The following TCF7L1 variants were observed in gnomAD, a reference collection of about 807,000 sequenced individuals.
The protein encoded by TCF7L1 is transcription factor 7 like 1.
Under a neutral mutation model 63.7 loss-of-function variants are expected in TCF7L1, and 18 were observed. The observed-to-expected ratio is 0.28, with a 90% confidence interval of 0.20 to 0.42. TCF7L1 has a LOEUF of 0.42. Among genes scored for constraint, TCF7L1 ranks in the 10% least tolerant of loss-of-function variants. The pLI is 1.00. For synonymous variants in TCF7L1, 355 were observed against 340.9 expected (o/e 1.04, Z -0.46); for missense variants, 654 against 779.3 (o/e 0.84, Z 1.91).
intron 3 of TCF7L1, among the ~76,000 whole-genome samples, chr2:85,248,540 T>G (rs928104950): frequency 6.6e-6 from 1 of 152,140 alleles, no homozygotes; most frequent in Non-Finnish European, 1.5e-5. Flanking sequence ...CCGTCCCACT[T>G]ATACACACTT....
At chr2:85,257,161 C>T (rs1455147631) in intron 3 of TCF7L1, among the ~76,000 whole-genome samples, 1 of 152,018 alleles carries the variant, frequency 6.6e-6, no homozygotes, top group African/African-American at 2.4e-5. Context: ...CTACAGTGAG[C>T]TCTGATTGAG....
intron 3 of TCF7L1, among the ~76,000 whole-genome samples, chr2:85,186,029 C>T (rs1195254894): frequency 1.5e-5 from 2 of 137,802 alleles, no homozygotes; most frequent in African/African-American, 5.7e-5. Context: ...TGCAGTGGTG[C>T]AATCTCGGCT....
intron 3 of TCF7L1, among the ~76,000 whole-genome samples, chr2:85,150,725 C>G (rs530244660): frequency 6.6e-6 from 1 of 151,172 alleles, no homozygotes; most frequent in African/African-American, 2.4e-5. Context: ...ATTTTGTTTT[C>G]TTGGTTAAAA....
At chr2:85,216,554 C>T in intron 3 of TCF7L1, among the ~76,000 whole-genome samples, 1 of 152,150 alleles carries the variant, frequency 6.6e-6, no homozygotes, top group East Asian at 1.9e-4. Context: ...AGCAAACATA[C>T]CAGCCCACAA....
At chr2:85,301,014 A>G (rs1681959204) in intron 4 of TCF7L1, among the ~76,000 whole-genome samples, 1 of 152,168 alleles carries the variant, frequency 6.6e-6, no homozygotes, top group African/African-American at 2.4e-5. Flanking sequence ...TCCTGACTTC[A>G]GGTGTTCTGC....
intron 3 of TCF7L1, among the ~76,000 whole-genome samples, chr2:85,202,003 C>T (rs1448741891): frequency 1.3e-5 from 2 of 151,930 alleles, no homozygotes; most frequent in African/African-American, 2.4e-5. Flanking sequence ...CTCACTGTCA[C>T]CCAGGCTGAA....
chr2:85,222,708 A>G (rs927809905), intron 3 of TCF7L1, among the ~76,000 whole-genome samples: 1 of 152,090 alleles, frequency 6.6e-6, no homozygotes, highest in Non-Finnish European at 1.5e-5. Context: ...GCTTTAAAAA[A>G]GAATAAAAGA....
chr2:85,243,735 T>G (rs1294228766), intron 3 of TCF7L1, among the ~76,000 whole-genome samples: 1 of 152,142 alleles, frequency 6.6e-6, no homozygotes, highest in Middle Eastern at 3.4e-3. Context: ...GAAACTTCGT[T>G]CAGGAGATAT....
At chr2:85,232,316 A>G (rs1403366966) in intron 3 of TCF7L1, among the ~76,000 whole-genome samples, 1 of 152,044 alleles carries the variant, frequency 6.6e-6, no homozygotes, top group Non-Finnish European at 1.5e-5. Context: ...ATCTGTATAC[A>G]TCCTCCATTA....
intron 3 of TCF7L1, among the ~76,000 whole-genome samples, chr2:85,140,843 A>G (rs1236596636): frequency 5.3e-5 from 8 of 152,162 alleles, no homozygotes. Flanking sequence ...CCTGGGCAAC[A>G]AGAGTGAAAC....
At chr2:85,263,450 GAC>G (rs1222350055) in intron 3 of TCF7L1, among the ~76,000 whole-genome samples, 2 of 152,076 alleles carry the variant, frequency 1.3e-5, no homozygotes, top group Admixed American at 6.6e-5. Context: ...CAATTGGAGA[GAC>G]AGTCCAAGTT....
chr2:85,230,964 G>A (rs545548191), intron 3 of TCF7L1, among the ~76,000 whole-genome samples: 2 of 152,296 alleles, frequency 1.3e-5, no homozygotes, highest in African/African-American at 4.8e-5. Context: ...AGTTTGGACA[G>A]ATCCCTGTGT....
intron 3 of TCF7L1, among the ~76,000 whole-genome samples, chr2:85,283,262 G>T (rs907779544): frequency 1.3e-5 from 1 of 79,356 alleles, no homozygotes; most frequent in South Asian, 3.5e-4. Context: ...GTTGTCATTC[G>T]TGTCCCCCCC....
At chr2:85,300,994 A>G (rs1319117606) in intron 4 of TCF7L1, among the ~76,000 whole-genome samples, 2 of 152,086 alleles carry the variant, frequency 1.3e-5, no homozygotes, top group African/African-American at 4.8e-5. Flanking sequence ...CGGCCAGGCT[A>G]GTCTCGAACT....
At chr2:85,277,363 G>C (rs1022011933) in intron 3 of TCF7L1, among the ~76,000 whole-genome samples, 1 of 152,172 alleles carries the variant, frequency 6.6e-6, no homozygotes, top group Admixed American at 6.5e-5. Context: ...GACAAGGAGA[G>C]CATTTTGAAT....
Position 85,285,115 on chromosome 2 carries a change from C to T in TCF7L1, c.525+1537C>T, listed in dbSNP as rs572291973. ...AGGCGTGGTGGCGGGCGCCTGTAGT[C>T]CCAGCTACTAGGGAGGCTGAGGCAG... is the stretch of plus-strand genomic sequence containing the variant. On this transcript the variant is annotated intron_variant, in intron 4 of 11. Transcript: ENST00000282111. Among the ~76,000 whole-genome samples, 19 of 152,210 alleles carry T rather than the reference C, an allele frequency of 1.2e-4. 1 individual carries two copies. The East Asian group carries it at 3.7e-3, about 29-fold the overall frequency.
intron 3 of TCF7L1, among the ~76,000 whole-genome samples, chr2:85,246,078 G>T (rs1251012603): frequency 6.6e-6 from 1 of 152,198 alleles, no homozygotes; most frequent in Non-Finnish European, 1.5e-5. Context: ...GTTATTTATT[G>T]CTTCTGCTAG....
chr2:85,208,411 G>A (rs1679464093), intron 3 of TCF7L1, among the ~76,000 whole-genome samples: 1 of 152,126 alleles, frequency 6.6e-6, no homozygotes, highest in Admixed American at 6.5e-5. Context: ...GTGGGAAAGG[G>A]CACTATGAGC....
At chr2:85,230,426 T>G (rs1680051206) in intron 3 of TCF7L1, among the ~76,000 whole-genome samples, 1 of 150,776 alleles carries the variant, frequency 6.6e-6, no homozygotes, top group Non-Finnish European at 1.5e-5. Flanking sequence ...CTCCACCTCC[T>G]GGGTTCAAGT....
Sources: gnomAD v4.1 joint callset for allele counts (sites outside exome capture counted in the v4.1 genomes callset) on GRCh38, gnomAD v4.1.1 for gene constraint, MANE v1.5 for transcripts, NCBI Gene and HGNC (gene_info 2026-07-23, HGNC 2026-07-21) for gene names.